NEK1: variants seen among roughly 807,000 people sequenced by gnomAD.
The protein encoded by NEK1 is serine/threonine-protein kinase Nek1.
NEK1 carries 137 observed loss-of-function variants against 182.1 expected under a neutral mutation model. The observed-to-expected ratio is 0.75, with a 90% CI of 0.65 to 0.87. NEK1 has a LOEUF of 0.87. Ranked by LOEUF, NEK1 falls within the 40% of genes least tolerant of loss-of-function variation. NEK1 has a pLI of 0.00. For synonymous variants in NEK1, 513 were observed against 492.2 expected, an observed-to-expected ratio of 1.04 and a Z score of -0.56; for missense variants, 1,391 against 1,494.4, an observed-to-expected ratio of 0.93 and a Z score of 1.14.
chr4:169,527,666 T>C (rs1350074121), intron 19 of NEK1, among the ~76,000 whole-genome samples: 3 of 152,000 alleles, frequency 2.0e-5, no homozygotes, highest in Non-Finnish European at 2.9e-5. Flanking sequence ...AAGAAAAATA[T>C]AGTCAAAATC....
intron 31 of NEK1, among the ~76,000 whole-genome samples, chr4:169,416,828 C>A (rs972948699): frequency 2.0e-5 from 3 of 152,090 alleles, no homozygotes; most frequent in Non-Finnish European, 4.4e-5. Flanking sequence ...TTGCTTGAGC[C>A]CAGGAGGTTG....
At chr4:169,415,194 T>A (rs979734987) in intron 31 of NEK1, among the ~76,000 whole-genome samples, 3 of 152,222 alleles carry the variant, frequency 2.0e-5, no homozygotes, top group African/African-American at 7.2e-5. Context: ...AAAACAACAA[T>A]TTTAGACTAT....
chr4:169,460,775 G>T (rs967791674), intron 27 of NEK1, among the ~76,000 whole-genome samples: 1 of 151,930 alleles, frequency 6.6e-6, no homozygotes, highest in Non-Finnish European at 1.5e-5. Flanking sequence ...TTTTATGCCA[G>T]AATATAATTA....
At chr4:169,607,903 T>C (rs1263761138) in intron 2 of NEK1, among the ~76,000 whole-genome samples, 3 of 151,280 alleles carry the variant, frequency 2.0e-5, no homozygotes, top group South Asian at 2.1e-4. Flanking sequence ...CAATAGAAAA[T>C]ATTCAACAAA....
At chr4:169,595,448 T>G (rs753372328) in intron 5 of NEK1, among the ~76,000 whole-genome samples, 5 of 152,206 alleles carry the variant, frequency 3.3e-5, no homozygotes, top group Non-Finnish European at 7.3e-5. Flanking sequence ...AGCAAATAGT[T>G]TTACATATTT....
At chr4:169,592,546 GAAGGAATA>G (rs1187078235) in intron 5 of NEK1, among the ~76,000 whole-genome samples, 2 of 152,264 alleles carry the variant, frequency 1.3e-5, no homozygotes, top group East Asian at 3.9e-4. Context: ...AGGAAGGAAA[GAAGGAATA>G]AAGGAAGGAA....
chr4:169,453,707 C>T (rs1458585845), intron 27 of NEK1, among the ~76,000 whole-genome samples: 2 of 152,234 alleles, frequency 1.3e-5, no homozygotes, highest in African/African-American at 4.8e-5. Flanking sequence ...CCCATTCCTT[C>T]ATTTCCCATA....
intron 18 of NEK1, among the ~76,000 whole-genome samples, chr4:169,539,517 A>G (rs1210008390): frequency 6.6e-6 from 1 of 152,168 alleles, no homozygotes; most frequent in Non-Finnish European, 1.5e-5. Flanking sequence ...CCATCTATGT[A>G]AGGCTGGGCC....
At chr4:169,538,943 T>A (rs1305661434) in intron 18 of NEK1, among the ~76,000 whole-genome samples, 1 of 152,270 alleles carries the variant, frequency 6.6e-6, no homozygotes, top group South Asian at 2.1e-4. Flanking sequence ...AATATGAAAC[T>A]AAGCTGTAAA....
chr4:169,470,838 CT>C (rs1242307005), intron 26 of NEK1, among the ~76,000 whole-genome samples: 2 of 152,044 alleles, frequency 1.3e-5, no homozygotes, highest in African/African-American at 4.8e-5. Flanking sequence ...TCTTTTTTCT[CT>C]AATCTTGTCT....
intron 27 of NEK1, among the ~76,000 whole-genome samples, chr4:169,445,865 T>TATATATACACACAC (rs569539235): frequency 6.8e-4 from 97 of 143,272 alleles, no homozygotes; most frequent in East Asian, 2.8e-3. Context: ...TATATATATA[T>TATATATACACACAC]ACACACACAC....
Position 169,602,549 on chromosome 4 carries a change from T to C in NEK1, c.82A>G (p.Arg28Gly), listed in dbSNP as rs773222357. 3.1e-6 allele frequency: 5 copies of C among 1,605,388 alleles called. No homozygotes were observed. The highest frequency in any genetic ancestry group is 4.3e-6 in the Non-Finnish European group (5 of 1,172,986). The change falls in exon 3 of 36, where the codon AGA becomes GGA. Residue 28 changes from arginine (R) to glycine (G), a missense_variant. Coordinates refer to ENST00000507142, the MANE Select transcript of NEK1 (RefSeq NM_001199397.3). Reference protein sequence around the residue: ...AILVKSTEDGRQYVIKEINIS... With the variant: ...AILVKSTEDGGQYVIKEINIS... ...TTAATTTCCTTGATAACATACTGTC[T>C]GCCATCTTCTGTAGATTTAACAAGA... is the stretch of plus-strand genomic sequence containing the variant.
chr4:169,399,083 T>C (rs1477087268), intron 35 of NEK1, among the ~76,000 whole-genome samples: 1 of 151,400 alleles, frequency 6.6e-6, no homozygotes, highest in Non-Finnish European at 1.5e-5. Flanking sequence ...ACCCCATCTC[T>C]ACTAAAAATA....
chr4:169,452,362 C>T (rs1166061668), intron 27 of NEK1, among the ~76,000 whole-genome samples: 1 of 150,906 alleles, frequency 6.6e-6, no homozygotes, highest in Non-Finnish European at 1.5e-5. Flanking sequence ...AGAGACACAA[C>T]CAGATAATTT....
In NEK1 at chr4:169,431,105, C is replaced by T. The variant is rs563374367; in HGVS notation, c.2885+2440G>A. Reference sequence around the variant, plus strand: ...CAAAAATTTCAGATTGAATCACGAACGATATCAGAAACATAATAAAATAAT... The same window carrying T: ...CAAAAATTTCAGATTGAATCACGAATGATATCAGAAACATAATAAAATAAT... On this transcript the variant is annotated intron_variant, in intron 29 of 35. Transcript: ENST00000507142. Among the ~76,000 whole-genome samples, 19 of 151,798 alleles carry T rather than the reference C, an allele frequency of 1.3e-4. No homozygotes were observed. The South Asian group carries it at 2.3e-3, about 18-fold the overall frequency.
intron 2 of NEK1, among the ~76,000 whole-genome samples, chr4:169,609,935 G>C (rs1282810222): frequency 6.6e-6 from 1 of 151,680 alleles, no homozygotes; most frequent in Non-Finnish European, 1.5e-5. Flanking sequence ...TTCTTTTCAA[G>C]TATATGAACT....
chr4:169,506,884 A>G (rs1191447257), intron 23 of NEK1, 153 bp downstream of exon 23: 4 of 415,676 alleles, frequency 9.6e-6, no homozygotes, highest in Non-Finnish European at 1.7e-5. Context: ...GAGACTGAGA[A>G]AGAGAGAGGT....
intron 23 of NEK1, among the ~76,000 whole-genome samples, chr4:169,488,862 ATT>A (rs371086585): frequency 6.6e-6 from 1 of 151,586 alleles, no homozygotes; most frequent in African/African-American, 2.4e-5. Context: ...ACTTTAATCA[ATT>A]TTTTTTTGTA....
chr4:169,541,142 G>A (rs1262015083), intron 18 of NEK1, among the ~76,000 whole-genome samples: 1 of 152,222 alleles, frequency 6.6e-6, no homozygotes, highest in Non-Finnish European at 1.5e-5. Context: ...AAGAGATGGG[G>A]TGGTACAGGA....
Sources: allele counts gnomAD v4.1 joint callset (sites outside exome capture counted in the v4.1 genomes callset), GRCh38; gene constraint gnomAD v4.1.1; transcripts MANE v1.5; gene names NCBI Gene and HGNC (gene_info 2026-07-23, HGNC 2026-07-21).